The following TOGARAM1 variants were observed in gnomAD, a reference collection of about 807,000 sequenced individuals.
The protein encoded by TOGARAM1 is TOG array regulator of axonemal microtubules 1, also known as TOG array regulator of axonemal microtubules protein 1.
TOGARAM1 carries 100 observed loss-of-function variants against 166.6 expected under a neutral mutation model. The ratio of observed to expected loss-of-function variants is 0.60; its 90% CI spans 0.51 to 0.71. TOGARAM1 has a LOEUF of 0.71. TOGARAM1 is among the 30% of genes least tolerant of loss of function. The pLI is 0.00. For missense variants in TOGARAM1, 2,029 were observed against 2,102.7 expected (o/e 0.96, Z 0.69); for synonymous variants, 758 against 763.8 (o/e 0.99, Z 0.13).
At chr14:44,995,618 C>A in intron 1 of TOGARAM1, 128 bp from the exon 2 acceptor site, 1 of 680,452 alleles carries the variant, frequency 1.5e-6, no homozygotes. Flanking sequence ...TTATCTGTAT[C>A]ATTATATATT....
Position 44,963,761 on chromosome 14 carries a change from A to G in TOGARAM1, c.1340A>G (p.Asn447Ser). ...IAASVKVLAD[N>S]KLVIKQEYMK... Reference sequence around the variant, plus strand: ...GCTTCTGTCAAAGTGCTGGCGGACAACAAGTTGGTGATCAAACAAGAATAC... The same window carrying G: ...GCTTCTGTCAAAGTGCTGGCGGACAGCAAGTTGGTGATCAAACAAGAATAC... Residue 447 changes from asparagine to serine, a missense_variant, in exon 1 of 20, where the codon AAC becomes AGC. Physicochemically the swap from Asn to Ser is conservative, Grantham distance 46. Coordinates refer to ENST00000361462, the MANE Select transcript of TOGARAM1 (RefSeq NM_001308120.2). The G allele has an allele frequency of 6.2e-7, 1 of 1,613,984 alleles. No homozygotes were observed. Among genetic ancestry groups the G allele is most frequent in the South Asian group, 1.1e-5 (1 of 91,066 alleles).
At chr14:44,993,584 A>G (rs1306605261) in intron 1 of TOGARAM1, among the ~76,000 whole-genome samples, 3 of 152,158 alleles carry the variant, frequency 2.0e-5, no homozygotes, top group Non-Finnish European at 4.4e-5. Flanking sequence ...TTTACTCTAA[A>G]CCACTTTTTC....
chr14:45,055,425 T>C (rs1461102979), intron 16 of TOGARAM1, among the ~76,000 whole-genome samples: 1 of 152,184 alleles, frequency 6.6e-6, no homozygotes, highest in African/African-American at 2.4e-5. Context: ...TTTAGACCAG[T>C]ACCATGTTGT....
intron 4 of TOGARAM1, 138 bp from the exon 5 acceptor site, chr14:45,005,870 T>C (rs1168954389): frequency 8.5e-6 from 5 of 586,808 alleles, no homozygotes; most frequent in Admixed American, 6.5e-5. Context: ...CGAGGCTTTA[T>C]TCAGCTTGTT....
At chr14:44,993,564 T>C (rs1273709571) in intron 1 of TOGARAM1, among the ~76,000 whole-genome samples, 1 of 152,198 alleles carries the variant, frequency 6.6e-6, no homozygotes, top group Non-Finnish European at 1.5e-5. Context: ...ATTTATGAAT[T>C]CTATTTTCTT....
intron 16 of TOGARAM1, among the ~76,000 whole-genome samples, chr14:45,061,845 A>G (rs1882915515): frequency 6.6e-6 from 1 of 152,106 alleles, no homozygotes; most frequent in Admixed American, 6.5e-5. Flanking sequence ...TGGATTTGGT[A>G]TTGGGATAAT....
rs142179757 is a variant in TOGARAM1 at position 45,038,948 on chromosome 14, G to T, written c.3813-4738G>T. On this transcript the variant is annotated intron_variant, in intron 11 of 19. Coordinates refer to ENST00000361462, the MANE Select transcript of TOGARAM1 (RefSeq NM_001308120.2). ...GGTAGCTCCTTTCTGCACGCAAGTT[G>T]TCCTGACATCTGTGCAACCCTCAGT... Among the ~76,000 whole-genome samples, 138 of 152,274 alleles carry T rather than the reference G, an allele frequency of 9.1e-4. 1 individual carries two copies. The highest frequency in any genetic ancestry group is 3.2e-3 in the African/African-American group (131 of 41,564).
At chr14:45,069,003 G>C (rs1191038453) in intron 18 of TOGARAM1, among the ~76,000 whole-genome samples, 3 of 152,030 alleles carry the variant, frequency 2.0e-5, no homozygotes, top group African/African-American at 7.2e-5. Context: ...ATGGATCGTA[G>C]AGTTAAATGT....
chr14:44,992,658 C>T (rs1222604900), intron 1 of TOGARAM1, among the ~76,000 whole-genome samples: 1 of 140,236 alleles, frequency 7.1e-6, no homozygotes, highest in Non-Finnish European at 1.5e-5. Flanking sequence ...CCCTCTGCCT[C>T]CCAGGCTGGA....
chr14:44,964,526 C>T (rs573279665), intron 1 of TOGARAM1, 59 bp downstream of exon 1: 3 of 1,496,352 alleles, frequency 2.0e-6, no homozygotes, highest in East Asian at 2.3e-5. Flanking sequence ...AAAATATGCC[C>T]GTGATGACTT....
At chr14:45,043,034 G>A (rs555821141) in intron 11 of TOGARAM1, among the ~76,000 whole-genome samples, 1 of 152,206 alleles carries the variant, frequency 6.6e-6, no homozygotes, top group East Asian at 1.9e-4. Context: ...AGTCCTAGAT[G>A]GCATCTTCTA....
intron 11 of TOGARAM1, among the ~76,000 whole-genome samples, chr14:45,039,708 C>T (rs78599699): frequency 0.021 from 3,128 of 152,304 alleles, 53 homozygotes; most frequent in Non-Finnish European, 0.032. Flanking sequence ...TGGGAGAAGG[C>T]ACTTCTGAGC....
chr14:45,011,324 T>C (rs963021628), intron 6 of TOGARAM1, among the ~76,000 whole-genome samples: 4 of 152,268 alleles, frequency 2.6e-5, no homozygotes, highest in East Asian at 3.9e-4. Context: ...TTTATTTTCA[T>C]TTTTTTGAGA....
chr14:45,072,409 C>T (rs747709502), intron 19 of TOGARAM1, among the ~76,000 whole-genome samples: 23 of 151,658 alleles, frequency 1.5e-4, no homozygotes, highest in Non-Finnish European at 2.2e-4. Flanking sequence ...TGTCTCAAGA[C>T]GGAGTCTCTG....
chr14:44,992,766 T>C (rs1031067063), intron 1 of TOGARAM1, among the ~76,000 whole-genome samples: 2 of 151,378 alleles, frequency 1.3e-5, no homozygotes, highest in Non-Finnish European at 2.9e-5. Flanking sequence ...TACAGGCGCC[T>C]GCCACCACGC....
chr14:45,072,911 G>GA (rs1371429480), intron 19 of TOGARAM1, among the ~76,000 whole-genome samples: 3 of 152,126 alleles, frequency 2.0e-5, no homozygotes, highest in Admixed American at 2.0e-4. Flanking sequence ...AATAATACGG[G>GA]AAAAGTAAAA....
In TOGARAM1 at chr14:45,029,413, T is replaced by C. The variant is rs78835891; in HGVS notation, c.3658+1084T>C. On this transcript the variant is annotated intron_variant, in intron 10 of 19. Transcript: ENST00000361462. ...CTAATTTTGTGATTTTTGCCTACAA[T>C]GTAGGCTTTAAAGATTAGGTTTCTG... Among the ~76,000 whole-genome samples, 497 of 152,326 alleles carry C rather than the reference T, an allele frequency of 3.3e-3. 5 individuals carry two copies. The highest frequency in any genetic ancestry group is 0.011 in the African/African-American group (472 of 41,586).
chr14:45,063,712 T>C (rs1245233973), intron 16 of TOGARAM1, among the ~76,000 whole-genome samples: 1 of 152,214 alleles, frequency 6.6e-6, no homozygotes, highest in African/African-American at 2.4e-5. Context: ...TCTCTTGACC[T>C]TGTGATCCAC....
intron 1 of TOGARAM1, among the ~76,000 whole-genome samples, chr14:44,975,241 A>C (rs1594610851): frequency 1.3e-5 from 2 of 152,272 alleles, no homozygotes; most frequent in East Asian, 1.9e-4. Context: ...AACTCAATGG[A>C]TGCCCCCCCA....
Sources: allele counts gnomAD v4.1 joint callset (sites outside exome capture counted in the v4.1 genomes callset), GRCh38; gene constraint gnomAD v4.1.1; transcripts MANE v1.5; gene names NCBI Gene and HGNC (gene_info 2026-07-23, HGNC 2026-07-21).